Variants in TEAD1 observed in about 807,000 individuals in gnomAD.
TEAD1 encodes the protein TEA domain transcription factor 1.
A neutral mutation model predicts 54.9 loss-of-function variants in TEAD1; 9 were observed. That is an observed-to-expected ratio of 0.16 (90% CI 0.10 to 0.29). The LOEUF is 0.29. TEAD1 is among the 10% of genes least tolerant of loss of function. The probability of loss-of-function intolerance (pLI) is 1.00; values close to 1 mark genes in which losing one functional copy is unlikely to be tolerated. For missense variants in TEAD1, 387 were observed against 535.9 expected, an observed-to-expected ratio of 0.72 and a Z score of 2.74; for synonymous variants, 200 against 187.8, an observed-to-expected ratio of 1.07 and a Z score of -0.53.
chr11:12,848,209 C>T (rs1265657025), intron 3 of TEAD1, among the ~76,000 whole-genome samples: 1 of 152,164 alleles, frequency 6.6e-6, no homozygotes, highest in East Asian at 1.9e-4. Flanking sequence ...GTGTATTATT[C>T]CAGCGTGTTT....
In TEAD1 at chr11:12,813,366, G is replaced by T. The variant is rs1946346795; in HGVS notation, c.203-48884G>T. On this transcript the variant is annotated intron_variant, in intron 3 of 12. Transcript: ENST00000527636. Reference sequence around the variant, plus strand: ...AGTGCCTCAAGTGAGCCAAATTAGGGGATCGCCGGGACAGAAAAGCTGCTG... The same window carrying T: ...AGTGCCTCAAGTGAGCCAAATTAGGTGATCGCCGGGACAGAAAAGCTGCTG... Among the ~76,000 whole-genome samples, 7 of 152,290 alleles carry T rather than the reference G, an allele frequency of 4.6e-5. No homozygotes were observed. The South Asian group carries it at 8.3e-4, about 18-fold the overall frequency.
intron 2 of TEAD1, among the ~76,000 whole-genome samples, chr11:12,710,417 G>A (rs1457248311): frequency 6.6e-6 from 1 of 152,110 alleles, no homozygotes; most frequent in Non-Finnish European, 1.5e-5. Flanking sequence ...AGGGATACAA[G>A]GATGAATAAG....
At chr11:12,692,946 C>T (rs2133826654) in intron 2 of TEAD1, among the ~76,000 whole-genome samples, 1 of 152,314 alleles carries the variant, frequency 6.6e-6, no homozygotes. Flanking sequence ...TCTTTTCCCC[C>T]TTTTCCTTCT....
intron 3 of TEAD1, among the ~76,000 whole-genome samples, chr11:12,781,169 C>G (rs1470174147): frequency 6.6e-6 from 1 of 152,168 alleles, no homozygotes; most frequent in Non-Finnish European, 1.5e-5. Context: ...CCTCACATAT[C>G]ATATATCATA....
At position 12,937,404 on chromosome 11, in the gene TEAD1, A is replaced by G; in HGVS notation, c.*182A>G. 3 of 535,502 alleles carry G rather than the reference A, an allele frequency of 5.6e-6. No homozygotes were observed. The highest frequency in any genetic ancestry group is 1.0e-5 in the Non-Finnish European group (3 of 294,902). The allele number at this position is 535,502 out of a possible 1,614,324, so 33.2% of individuals were successfully genotyped here. ...AGTGAAGTCATTTTTTCATGTGTTC[A>G]TACTATCATTGTAGCTGTGAAGTTC... On this transcript the variant is annotated 3_prime_UTR_variant, in exon 13 of 13. Transcript: ENST00000527636.
Position 12,916,403 on chromosome 11 carries a change from G to A in TEAD1, c.874-8509G>A, listed in dbSNP as rs189844978. The stretch of plus-strand genomic sequence containing the variant: ...TTTATTGATTACAGACTCTTGTCTC[G>A]TTGAGGAAAGGTGTCAGTGTCTCTA... On this transcript the variant is annotated intron_variant, in intron 10 of 12. Transcript: ENST00000527636. 2.5e-3 allele frequency among the ~76,000 whole-genome samples: 382 copies of A among 152,222 alleles called. 4 individuals carry two copies. The highest frequency in any genetic ancestry group is 4.2e-3 in the Admixed American group (65 of 15,298).
At chr11:12,811,196 A>G (rs1260743573) in intron 3 of TEAD1, among the ~76,000 whole-genome samples, 2 of 152,242 alleles carry the variant, frequency 1.3e-5, no homozygotes, top group Non-Finnish European at 2.9e-5. Flanking sequence ...CTGGGAAAGT[A>G]AAGCTTTCTT....
intron 3 of TEAD1, among the ~76,000 whole-genome samples, chr11:12,840,324 C>G (rs1482478317): frequency 6.7e-6 from 1 of 148,950 alleles, no homozygotes; most frequent in East Asian, 2.0e-4. Flanking sequence ...GTGGATGAGT[C>G]TGAGAGATGG....
Position 12,905,497 on chromosome 11 carries a change from A to G in TEAD1, c.873+3384A>G, listed in dbSNP as rs1254442628. ...TTTATAAAGAAATTCAGTCATAACTATGTTAAAATAAAGGAGGGAAGGCAA... is the reference window on the plus strand; with the variant it reads ...TTTATAAAGAAATTCAGTCATAACTGTGTTAAAATAAAGGAGGGAAGGCAA... On this transcript the variant is annotated intron_variant, in intron 10 of 12. Coordinates refer to ENST00000527636, the MANE Select transcript of TEAD1 (RefSeq NM_021961.6). Among the ~76,000 whole-genome samples the G allele has an allele frequency of 8.5e-5, 13 of 152,216 alleles. 1 individual carries two copies. The highest frequency in any genetic ancestry group is 1.5e-4 in the Non-Finnish European group (10 of 68,036).
At chr11:12,785,961 C>G (rs1026794731) in intron 3 of TEAD1, among the ~76,000 whole-genome samples, 1 of 152,144 alleles carries the variant, frequency 6.6e-6, no homozygotes, top group Non-Finnish European at 1.5e-5. Flanking sequence ...ATACAAATCA[C>G]GAGAGCAGCA....
At chr11:12,724,409 C>T (rs948433578) in intron 2 of TEAD1, among the ~76,000 whole-genome samples, 6 of 152,154 alleles carry the variant, frequency 3.9e-5, no homozygotes, top group Admixed American at 2.0e-4. Context: ...AGATGAGGCA[C>T]AATTAATTTA....
intron 3 of TEAD1, among the ~76,000 whole-genome samples, chr11:12,784,369 A>C (rs1035041213): frequency 6.6e-5 from 10 of 152,180 alleles, no homozygotes. Flanking sequence ...GGCACTGGGC[A>C]ATTCAGCATT....
At chr11:12,922,199 T>TGTAGACAGAAAGTAGGAAG (rs1564991517) in intron 10 of TEAD1, among the ~76,000 whole-genome samples, 4 of 95,622 alleles carry the variant, frequency 4.2e-5, no homozygotes, top group South Asian at 3.3e-4. Context: ...TCTCTTTTTT[T>TGTAGACAGAAAGTAGGAAG]TTTTTTTTTT....
chr11:12,893,318 A>G (rs1297078004), intron 9 of TEAD1, among the ~76,000 whole-genome samples: 1 of 152,150 alleles, frequency 6.6e-6, no homozygotes, highest in Non-Finnish European at 1.5e-5. Context: ...ATGATGGCTC[A>G]GTGTGGAGCA....
chr11:12,830,760 A>G (rs997897784), intron 3 of TEAD1, among the ~76,000 whole-genome samples: 1 of 148,778 alleles, frequency 6.7e-6, no homozygotes, highest in African/African-American at 2.5e-5. Flanking sequence ...ACACACATGC[A>G]CGCACACGCA....
At position 12,939,812 on chromosome 11, in the gene TEAD1, C is replaced by G. The variant is rs1949143226; in HGVS notation, c.*2590C>G. ...TATTTTCCCTGTCTTAACCACTGGTCCAGTCATCCCAGTGGGCTTCTCTTT... is the reference window on the plus strand; with the variant it reads ...TATTTTCCCTGTCTTAACCACTGGTGCAGTCATCCCAGTGGGCTTCTCTTT... On this transcript the variant is annotated 3_prime_UTR_variant, in exon 13 of 13. Coordinates refer to ENST00000527636, the MANE Select transcript of TEAD1 (RefSeq NM_021961.6). 2 of 152,250 alleles carry G rather than the reference C, an allele frequency of 1.3e-5. No homozygotes were observed. The highest frequency in any genetic ancestry group is 6.5e-5 in the Admixed American group (1 of 15,286). The allele number at this position is 152,250 out of a possible 1,614,324, so 9.4% of individuals were successfully genotyped here.
intron 3 of TEAD1, among the ~76,000 whole-genome samples, chr11:12,776,763 A>ATTG (rs1945428224): frequency 1.5e-5 from 1 of 65,766 alleles, no homozygotes; most frequent in Non-Finnish European, 2.9e-5. Context: ...GATATTTATT[A>ATTG]TTATTATTAT....
At chr11:12,819,789 G>A (rs925865712) in intron 3 of TEAD1, among the ~76,000 whole-genome samples, 2 of 152,164 alleles carry the variant, frequency 1.3e-5, no homozygotes, top group African/African-American at 4.8e-5. Flanking sequence ...TCTGTAATAC[G>A]TTGGCCAGTT....
intron 2 of TEAD1, among the ~76,000 whole-genome samples, chr11:12,741,177 T>C (rs910551040): frequency 6.6e-6 from 1 of 152,200 alleles, no homozygotes; most frequent in African/African-American, 2.4e-5. Flanking sequence ...AAATTTTCCC[T>C]TATGTTTTAG....
Sources: gnomAD v4.1 joint callset for allele counts (sites outside exome capture counted in the v4.1 genomes callset) on GRCh38, gnomAD v4.1.1 for gene constraint, MANE v1.5 for transcripts, NCBI Gene and HGNC (gene_info 2026-07-23, HGNC 2026-07-21) for gene names.